Variants in NSD3 observed in about 807,000 individuals in gnomAD.
NSD3 encodes the protein histone-lysine N-methyltransferase NSD3.
A neutral mutation model predicts 160.8 loss-of-function variants in NSD3; 24 were observed. The ratio of observed to expected loss-of-function variants is 0.15; its 90% CI spans 0.11 to 0.21. The LOEUF is 0.21. Among genes scored for constraint, NSD3 ranks in the 10% least tolerant of loss-of-function variants. The pLI is 1.00. For missense variants in NSD3, 1,157 were observed against 1,735.9 expected, an observed-to-expected ratio of 0.67 and a Z score of 5.93; for synonymous variants, 520 against 600.0, an observed-to-expected ratio of 0.87 and a Z score of 1.95.
rs921549500 is a variant in NSD3, at chr8:38,315,553, A to G, written c.1987-9T>C. 5.6e-6 allele frequency: 9 copies of G among 1,612,322 alleles called. No homozygotes were observed. In the African/African-American group the frequency reaches 1.1e-4, roughly 19 times the overall value. ...TGCTTTCCAAAGCCTACCTACATAG[A>G]AAACATAGCATTTTTAAGAAAAACA... On this transcript the variant is annotated splice_polypyrimidine_tract_variant and intron_variant, in intron 10 of 23. Transcript: ENST00000317025.
At position 38,348,098 on chromosome 8, in the gene NSD3, G is replaced by A. The variant is rs2150383939; in HGVS notation, c.74C>T (p.Ser25Phe). The change falls in exon 2 of 24, where the codon TCC (serine) becomes TTC (phenylalanine). Residue 25 changes from serine to phenylalanine, a missense_variant. Transcript: ENST00000317025. ...GGCATCCTCCTGACGGATGTTGGCGGAGTCAATGAGTTGAGGTGGTTGCTG... is the reference window on the plus strand; with the variant it reads ...GGCATCCTCCTGACGGATGTTGGCGAAGTCAATGAGTTGAGGTGGTTGCTG... ...TIQQPPQLID[S>F]ANIRQEDAFD... 1.9e-6 allele frequency: 3 copies of A among 1,613,876 alleles called. No individual in the cohort carries two copies. The East Asian group carries it at 6.7e-5, about 36-fold the overall frequency.
At chr8:38,299,372 C>T (rs917763135) in intron 15 of NSD3, 72 bp downstream of exon 15, 9 of 1,494,776 alleles carry the variant, frequency 6.0e-6, no homozygotes, top group South Asian at 1.4e-5. Flanking sequence ...GCATACATTT[C>T]CCCCCTATAT....
At chr8:38,381,171 C>G (rs528422039) in intron 1 of NSD3, among the ~76,000 whole-genome samples, 12 of 152,226 alleles carry the variant, frequency 7.9e-5, no homozygotes, top group Admixed American at 6.5e-4. Context: ...CGTTCTCATC[C>G]CTGTCATCAT....
intron 2 of NSD3, among the ~76,000 whole-genome samples, chr8:38,340,990 C>G (rs890937665): frequency 2.6e-5 from 4 of 151,556 alleles, no homozygotes; most frequent in African/African-American, 9.7e-5. Flanking sequence ...GAGTGAGGCC[C>G]AGTACCTAAA....
At chr8:38,362,843 T>C (rs1811014056) in intron 1 of NSD3, among the ~76,000 whole-genome samples, 2 of 152,228 alleles carry the variant, frequency 1.3e-5, no homozygotes, top group South Asian at 4.1e-4. Flanking sequence ...ATCATCACTG[T>C]AGAACATAAC....
At chr8:38,280,221 C>T (rs1055596673) in intron 20 of NSD3, 2 of 152,236 alleles carry the variant, frequency 1.3e-5, no homozygotes, top group Non-Finnish European at 2.9e-5. Flanking sequence ...TTAAAGTTCA[C>T]AATACATTGA....
intron 4 of NSD3, among the ~76,000 whole-genome samples, chr8:38,336,705 T>C (rs1182294590): frequency 6.6e-6 from 1 of 152,196 alleles, no homozygotes; most frequent in Non-Finnish European, 1.5e-5. Context: ...GGTCATATTT[T>C]CAGTCAGATT....
At position 38,379,536 on chromosome 8, in the gene NSD3, A is replaced by G. The variant is rs568101843; in HGVS notation, c.-45+2263T>C. Among the ~76,000 whole-genome samples the G allele has an allele frequency of 2.0e-5, 3 of 152,298 alleles. No homozygotes were observed. In the South Asian group the frequency reaches 6.2e-4, roughly 32 times the overall value. ...TCCTCACAGAATTTCAAACAAATTC[A>G]GGCTGAATATTATCAAATTAAAATA... On this transcript the variant is annotated intron_variant, in intron 1 of 23. Coordinates refer to ENST00000317025, the MANE Select transcript of NSD3 (RefSeq NM_023034.2).
intron 1 of NSD3, among the ~76,000 whole-genome samples, chr8:38,379,677 C>T (rs185530221): frequency 1.2e-4 from 18 of 152,282 alleles, no homozygotes; most frequent in Non-Finnish European, 2.6e-4. Flanking sequence ...TTCTGTATAA[C>T]AACTGAGAGG....
At chr8:38,295,338 G>A (rs1016828737) in intron 16 of NSD3, among the ~76,000 whole-genome samples, 18 of 152,006 alleles carry the variant, frequency 1.2e-4, no homozygotes, top group African/African-American at 4.4e-4. Flanking sequence ...GAGGTGGGCA[G>A]ATTGCTTGAC....
chr8:38,293,787 G>A (rs537295224), intron 16 of NSD3, among the ~76,000 whole-genome samples: 5 of 151,548 alleles, frequency 3.3e-5, no homozygotes, highest in Non-Finnish European at 5.9e-5. Flanking sequence ...GCCAGGCGTG[G>A]TGTCAGGTGC....
At position 38,314,629 on chromosome 8, in the gene NSD3, C is replaced by G. The variant is rs191429250; in HGVS notation, c.2242+18G>C. 3,489 of 1,613,928 alleles carry G rather than the reference C, an allele frequency of 2.2e-3. 4 individuals are homozygous for G. Among genetic ancestry groups the G allele is most frequent in the Non-Finnish European group, 2.7e-3 (3,223 of 1,179,946 alleles). On this transcript the variant is annotated intron_variant, in intron 12 of 23. Coordinates refer to ENST00000317025, the MANE Select transcript of NSD3 (RefSeq NM_023034.2). Reference sequence around the variant, plus strand: ...ATCCCATTCATCTTTTCATGACTATCGAAATAAGTCATCTTACCAGTTTTA... The same window carrying G: ...ATCCCATTCATCTTTTCATGACTATGGAAATAAGTCATCTTACCAGTTTTA...
At position 38,329,396 on chromosome 8, in the gene NSD3, T is replaced by C; in HGVS notation, c.1563A>G (p.Gln521=). The stretch of plus-strand genomic sequence containing the variant: ...GAGGTACCTTTGTTGAATAAACAAA[T>C]TGATCGATAAATTTCCCATCCCCTG... The part of the protein sequence containing the change: ...NATGDGKFID[Q]FVYSTKGIGN... The change falls in exon 6 of 24, where the codon CAA becomes CAG. Residue 521 remains glutamine, a synonymous_variant. Coordinates refer to ENST00000317025, the MANE Select transcript of NSD3 (RefSeq NM_023034.2). The surrounding 1 kb of genome is among the most constrained non-coding windows in gnomAD (Gnocchi z 4.8). 6.2e-7 allele frequency: 1 copy of C among 1,609,068 alleles called. No homozygotes were observed. Among genetic ancestry groups the C allele is most frequent in the African/African-American group, 1.3e-5 (1 of 74,934 alleles).
intron 1 of NSD3, among the ~76,000 whole-genome samples, chr8:38,373,643 CTCAAA>C (rs897299701): frequency 6.6e-5 from 10 of 152,042 alleles, no homozygotes; most frequent in African/African-American, 2.4e-4. Context: ...TCTTCTTAAT[CTCAAA>C]TCAATTTGAT....
intron 1 of NSD3, among the ~76,000 whole-genome samples, chr8:38,353,292 T>C (rs1319355870): frequency 6.6e-6 from 1 of 152,190 alleles, no homozygotes; most frequent in Non-Finnish European, 1.5e-5. Context: ...TTGGCAAAAA[T>C]GTATAGCTCA....
At position 38,318,635 on chromosome 8, in the gene NSD3, T is replaced by C. The variant is rs560169799; in HGVS notation, c.1855+260A>G. Reference sequence around the variant, plus strand: ...AAGCCAGTGAAACCCCAGAATCTTATGGAGAAAAGTTGGAAACAGTATCAA... The same window carrying C: ...AAGCCAGTGAAACCCCAGAATCTTACGGAGAAAAGTTGGAAACAGTATCAA... On this transcript the variant is annotated intron_variant, in intron 9 of 23. Transcript: ENST00000317025. This position sits in a 1 kb window ranked among gnomAD's most constrained non-coding sequence, Gnocchi z 5.3. Among the ~76,000 whole-genome samples, 69 of 152,292 alleles carry C rather than the reference T, an allele frequency of 4.5e-4. 1 individual carries two copies. Among genetic ancestry groups the C allele is most frequent in the Admixed American group, 3.9e-3 (59 of 15,296 alleles).
chr8:38,301,094 C>T (rs561098793), intron 14 of NSD3, among the ~76,000 whole-genome samples: 13 of 152,248 alleles, frequency 8.5e-5, no homozygotes, highest in South Asian at 4.1e-4. Flanking sequence ...CTCAACCTCC[C>T]GAGTAGCTAG....
rs772352289 is a variant in NSD3 at position 38,318,396 on chromosome 8, C to T, written c.1855+499G>A. On this transcript the variant is annotated intron_variant, in intron 9 of 23. Transcript: ENST00000317025. This position sits in a 1 kb window ranked among gnomAD's most constrained non-coding sequence, Gnocchi z 5.3. ...ACTTTGTGCATATCTCAAATAGATT[C>T]GCATAAGGTCATCTAATAGTGGCCA... Among the ~76,000 whole-genome samples the T allele has an allele frequency of 5.9e-5, 9 of 151,956 alleles. No homozygotes were observed. Among genetic ancestry groups the T allele is most frequent in the Non-Finnish European group, 8.8e-5 (6 of 67,992 alleles).
rs1184541530 is a variant in NSD3 at position 38,275,807 on chromosome 8, T to C, written c.4148A>G (p.His1383Arg). Reference sequence around the variant, plus strand: ...CTTTTCATGATCTTTACAAAATGAATGTGGACAGAATTCACAGAAGGAAAC... The same window carrying C: ...CTTTTCATGATCTTTACAAAATGAACGTGGACAGAATTCACAGAAGGAAAC... Reference protein sequence around the residue: ...AAVSFCEFCPHSFCKDHEKGA... With the variant: ...AAVSFCEFCPRSFCKDHEKGA... Residue 1383 changes from histidine to arginine, a missense_variant, in exon 24 of 24, where the codon CAT becomes CGT. Transcript: ENST00000317025. 1 of 1,614,172 alleles carries C rather than the reference T, an allele frequency of 6.2e-7. No homozygotes were observed.
Sources: gnomAD v4.1 joint callset for allele counts (sites outside exome capture counted in the v4.1 genomes callset) on GRCh38, gnomAD v4.1.1 for gene constraint, Gnocchi (gnomAD v3.1) non-coding constraint, MANE v1.5 for transcripts, NCBI Gene and HGNC (gene_info 2026-07-23, HGNC 2026-07-21) for gene names.